The following SLC9A8 variants were observed in gnomAD, a reference collection of about 807,000 sequenced individuals.
SLC9A8 encodes solute carrier family 9 member A8.
A neutral mutation model predicts 66.6 loss-of-function variants in SLC9A8; 48 were observed. That is an observed-to-expected ratio of 0.72 (90% CI 0.57 to 0.92). The LOEUF (loss-of-function observed/expected upper bound fraction) is 0.92, where lower values mean the gene tolerates loss of function less well. Among genes scored for constraint, SLC9A8 ranks in the 40% least tolerant of loss-of-function variants. The pLI is 0.00. For missense variants in SLC9A8, 599 were observed against 747.3 expected, an observed-to-expected ratio of 0.80 and a Z score of 2.31; for synonymous variants, 274 against 282.6, an observed-to-expected ratio of 0.97 and a Z score of 0.31.
rs1290308029 is a variant in SLC9A8 at position 49,884,337 on chromosome 20, CCCCCCG to C, written c.1491+272_1491+277del. Among the ~76,000 whole-genome samples the C allele has an allele frequency of 4.8e-3, 350 of 72,416 alleles. 2 individuals are homozygous for C. The highest frequency in any genetic ancestry group is 0.02 in the African/African-American group (342 of 17,204). The allele number at this position is 72,416 out of a possible 152,430, so 47.5% of individuals were successfully genotyped here. On this transcript the variant is annotated intron_variant, in intron 14 of 15. Coordinates refer to ENST00000361573, the MANE Select transcript of SLC9A8 (RefSeq NM_015266.3). ...ACACACACACACACACACACACACA[CCCCCCG>C]GTCATCCCCCCTGAGAAGGAGGTGA...
At chr20:49,822,924 G>T (rs919649891) in intron 2 of SLC9A8, 137 bp from the exon 3 acceptor site, 21 of 676,658 alleles carry the variant, frequency 3.1e-5, no homozygotes, top group Non-Finnish European at 4.7e-5. Context: ...GAAAAACACC[G>T]CTGAAGTTCA....
chr20:49,868,414 GT>G (rs1260923245), intron 10 of SLC9A8, among the ~76,000 whole-genome samples: 1 of 152,210 alleles, frequency 6.6e-6, no homozygotes, highest in African/African-American at 2.4e-5. Flanking sequence ...ATGGCCCTGT[GT>G]GGTGTGTGGA....
chr20:49,873,482 CAAAAA>C (rs3092533), intron 10 of SLC9A8, among the ~76,000 whole-genome samples: 3 of 103,076 alleles, frequency 2.9e-5, no homozygotes, highest in African/African-American at 3.8e-5. Context: ...ACCCTGTCTC[CAAAAA>C]AAAAAAAAAA....
chr20:49,849,756 T>C, intron 6 of SLC9A8, 76 bp downstream of exon 6: 1 of 1,168,774 alleles, frequency 8.6e-7, no homozygotes, highest in African/African-American at 1.5e-5. Flanking sequence ...GAAGGTGAAA[T>C]GGGGCCACTT....
Position 49,862,939 on chromosome 20 carries a change from G to A in SLC9A8, c.724G>A (p.Gly242Ser). 3.1e-6 allele frequency: 5 copies of A among 1,611,934 alleles called. No homozygotes were observed. Among genetic ancestry groups the A allele is most frequent in the Non-Finnish European group, 4.2e-6 (5 of 1,178,398 alleles). Residue 242 changes from glycine (G) to serine (S), a missense_variant, in exon 9 of 16, where the codon GGT becomes AGT. Physicochemically the swap from Gly to Ser is moderately conservative, Grantham distance 56. This residue lies in a region of SLC9A8 where 467 missense variants were observed against 626.5 expected (regional missense o/e 0.75). Transcript: ENST00000361573. Reference protein sequence around the residue: ...VSIVLTNTAEGLTRKNMSDVS... With the variant: ...VSIVLTNTAESLTRKNMSDVS... The stretch of plus-strand genomic sequence containing the variant: ...TCTTTCATTTCCTAGCACAGCTGAA[G>A]GTTTAACAAGAAAAAATATGTCAGA...
chr20:49,867,255 ATTT>A (rs1004205855), intron 10 of SLC9A8, among the ~76,000 whole-genome samples: 1 of 151,960 alleles, frequency 6.6e-6, no homozygotes, highest in East Asian at 1.9e-4. Flanking sequence ...TTTAAAAACA[ATTT>A]TTTTTGTGTG....
intron 13 of SLC9A8, among the ~76,000 whole-genome samples, chr20:49,883,212 C>A (rs571600962): frequency 6.6e-6 from 1 of 152,206 alleles, no homozygotes; most frequent in South Asian, 2.1e-4. Flanking sequence ...TCAGTTGTGC[C>A]CTAGTAGCGT....
At chr20:49,819,271 C>T (rs2086655799) in intron 2 of SLC9A8, among the ~76,000 whole-genome samples, 2 of 152,204 alleles carry the variant, frequency 1.3e-5, no homozygotes, top group African/African-American at 4.8e-5. Flanking sequence ...TTACTCCAGG[C>T]ATGAAAAATT....
intron 15 of SLC9A8, 52 bp from the exon 16 acceptor site, chr20:49,887,777 C>CGAAGGGAAG: frequency 7.0e-7 from 1 of 1,422,306 alleles, no homozygotes; most frequent in South Asian, 1.3e-5. Flanking sequence ...CCCCTCCCTT[C>CGAAGGGAAG]CATGGCCCTG....
intron 8 of SLC9A8, among the ~76,000 whole-genome samples, chr20:49,856,716 G>T (rs535495808): frequency 1.3e-5 from 2 of 151,902 alleles, no homozygotes; most frequent in Non-Finnish European, 1.5e-5. Flanking sequence ...CAGCTACTCC[G>T]GAGGCTGAGG....
chr20:49,856,820 CAA>C (rs143064218), intron 8 of SLC9A8, among the ~76,000 whole-genome samples: 11 of 99,134 alleles, frequency 1.1e-4, no homozygotes, highest in Non-Finnish European at 1.1e-4. Flanking sequence ...GACTCCGTCT[CAA>C]AAAAAAAAAA....
At chr20:49,831,083 T>C in intron 3 of SLC9A8, 2 of 661,652 alleles carry the variant, frequency 3.0e-6, no homozygotes, top group Admixed American at 4.0e-5. Flanking sequence ...CTGCATACAC[T>C]AAGCCGTCGG....
chr20:49,872,803 C>T (rs549042632), intron 10 of SLC9A8, among the ~76,000 whole-genome samples: 1 of 152,294 alleles, frequency 6.6e-6, no homozygotes, highest in South Asian at 2.1e-4. Flanking sequence ...CCCTTTTATA[C>T]GTGGAAAGTT....
At chr20:49,849,990 A>G (rs566296992) in intron 6 of SLC9A8, among the ~76,000 whole-genome samples, 1 of 152,242 alleles carries the variant, frequency 6.6e-6, no homozygotes, top group Non-Finnish European at 1.5e-5. Flanking sequence ...AGCCAAATAT[A>G]TGCCATCAAG....
intron 2 of SLC9A8, among the ~76,000 whole-genome samples, chr20:49,816,270 A>C (rs945456641): frequency 6.6e-6 from 1 of 152,032 alleles, no homozygotes; most frequent in African/African-American, 2.4e-5. Flanking sequence ...AATTACAAAA[A>C]TTAGCTGGGC....
intron 4 of SLC9A8, among the ~76,000 whole-genome samples, chr20:49,844,696 A>T (rs1459554759): frequency 6.7e-6 from 1 of 149,666 alleles, no homozygotes; most frequent in Non-Finnish European, 1.5e-5. Flanking sequence ...GCTACTCAGG[A>T]GGCTGAAGTG....
Position 49,865,973 on chromosome 20 carries a change from A to G in SLC9A8, c.958+1129A>G, listed in dbSNP as rs76942815. Among the ~76,000 whole-genome samples, 1,083 of 152,312 alleles carry G rather than the reference A, an allele frequency of 7.1e-3. 9 individuals carry two copies. Among genetic ancestry groups the G allele is most frequent in the African/African-American group, 0.022 (897 of 41,564 alleles). ...TTTTTTATTAACTTCGTTGAGGTAT[A>G]ATTTACACACAATACATGGACCCGT... On this transcript the variant is annotated intron_variant, in intron 10 of 15. Coordinates refer to ENST00000361573, the MANE Select transcript of SLC9A8 (RefSeq NM_015266.3).
intron 12 of SLC9A8, 74 bp downstream of exon 12, chr20:49,878,137 T>G (rs1199119502): frequency 2.5e-5 from 23 of 911,966 alleles, no homozygotes; most frequent in Non-Finnish European, 3.1e-5. Flanking sequence ...CCGGATTCAT[T>G]TATGTAACTG....
At position 49,890,662 on chromosome 20, in the gene SLC9A8, AG is replaced by A; in HGVS notation, c.*2729del. The A allele has an allele frequency of 2.0e-5, 3 of 152,336 alleles. No homozygotes were observed. Among genetic ancestry groups the A allele is most frequent in the Middle Eastern group, 6.8e-3 (2 of 296 alleles). 9.4% of individuals were successfully genotyped at this position (152,336 alleles called of 1,614,324 possible). A position where few individuals can be genotyped will look rare whatever the true frequency, so the allele number is the denominator to read the frequency against. ...GCTTGTGTGGGGTCTCGCAGGGAAA[AG>A]GGCTGGCTTCTAGGTCCCCGAGATA... On this transcript the variant is annotated 3_prime_UTR_variant, in exon 16 of 16. Transcript: ENST00000361573.
Sources: allele counts gnomAD v4.1 joint callset (sites outside exome capture counted in the v4.1 genomes callset), GRCh38; gene constraint gnomAD v4.1.1; regional missense constraint gnomAD v4.1.1; transcripts MANE v1.5; gene names NCBI Gene and HGNC (gene_info 2026-07-23, HGNC 2026-07-21).